The following EGFR variants were observed in gnomAD, a reference collection of about 807,000 sequenced individuals.
The protein encoded by EGFR is epidermal growth factor receptor, also known as avian erythroblastic leukemia viral (v-erb-b) oncogene homolog.
In EGFR, 58 loss-of-function variants were observed where a neutral mutation model predicts 143.0. That is an observed-to-expected ratio of 0.41 (90% CI 0.33 to 0.50). The LOEUF (loss-of-function observed/expected upper bound fraction) is 0.50, where lower values mean the gene tolerates loss of function less well. Ranked by LOEUF, EGFR falls within the 20% of genes least tolerant of loss-of-function variation. EGFR has a pLI of 0.39. For missense variants in EGFR, 1,307 were observed against 1,579.0 expected, an observed-to-expected ratio of 0.83 and a Z score of 2.92; for synonymous variants, 613 against 594.4, an observed-to-expected ratio of 1.03 and a Z score of -0.45.
rs936895027 is a variant in EGFR, at chr7:55,180,654, A to G, written c.2284-639A>G. The G allele has an allele frequency of 5.0e-5, 8 of 159,746 alleles. 1 individual carries two copies. The highest frequency in any genetic ancestry group is 6.6e-3 in the Middle Eastern group (2 of 304). 9.9% of individuals were successfully genotyped at this position (159,746 alleles called of 1,614,324 possible). On this transcript the variant is annotated intron_variant, in intron 19 of 27. Transcript: ENST00000275493. ...AAACCTGGGACTGGTCTATTGAAAG[A>G]GCTTATCCAGCTACTCTTTGCAGAG...
At chr7:55,123,605 G>T (rs1378392799) in intron 1 of EGFR, among the ~76,000 whole-genome samples, 2 of 152,046 alleles carry the variant, frequency 1.3e-5, no homozygotes, top group Non-Finnish European at 2.9e-5. Context: ...CAGCTTGAGG[G>T]TCTCCATCTC....
chr7:55,136,415 C>A (rs7803520), intron 1 of EGFR, among the ~76,000 whole-genome samples: 1 of 152,160 alleles, frequency 6.6e-6, no homozygotes, highest in Non-Finnish European at 1.5e-5. Context: ...CTCAGGCACA[C>A]GGAAACGAGA....
At chr7:55,170,995 A>G (rs1033966093) in intron 15 of EGFR, 180 bp from the exon 16 acceptor site, 4 of 1,463,220 alleles carry the variant, frequency 2.7e-6, no homozygotes, top group Non-Finnish European at 3.6e-6. Context: ...GAGTGAATGA[A>G]CAAATGAATA....
At chr7:55,103,300 A>T (rs1347920201) in intron 1 of EGFR, among the ~76,000 whole-genome samples, 1 of 152,218 alleles carries the variant, frequency 6.6e-6, no homozygotes, top group African/African-American at 2.4e-5. Flanking sequence ...TGTGCTTAAT[A>T]CATGGAAAGG....
Position 55,155,901 on chromosome 7 carries a change from G to A in EGFR, c.961G>A (p.Asp321Asn). The change falls in exon 8 of 28, where the codon GAC (aspartate) becomes AAC (asparagine). Residue 321 changes from aspartate to asparagine, a missense_variant. Physicochemically the swap from Asp to Asn is conservative, Grantham distance 23. Around this residue, in one of 7 missense-constraint regions of EGFR, gnomAD observed 311 missense variants for 412.3 expected, o/e 0.75. Transcript: ENST00000275493. ...GGCCGACAGCTATGAGATGGAGGAA[G>A]ACGGCGTCCGCAAGTGTAAGAAGTG... ...CGADSYEMEE[D>N]GVRKCKKCEG... 6.2e-7 allele frequency: 1 copy of A among 1,614,102 alleles called. No individual in the cohort carries two copies. The highest frequency in any genetic ancestry group is 8.5e-7 in the Non-Finnish European group (1 of 1,180,048).
chr7:55,191,908 C>T lies in EGFR; in HGVS notation c.2625+34C>T. ...GTGGCTTTAGGTCAGCCAGCATTTT[C>T]CTGACACCAGGGACCAGGCTGCCTT... On this transcript the variant is annotated intron_variant, in intron 21 of 27. Transcript: ENST00000275493. 4 of 1,611,582 alleles carry T rather than the reference C, an allele frequency of 2.5e-6. No homozygotes were observed. The African/African-American group carries it at 5.3e-5, about 21-fold the overall frequency.
rs747177924 is a variant in EGFR, at chr7:55,155,955, C to A, written c.1006+9C>A. ...AGGGCCTTGCCGCAAAGGTAGGAAG[C>A]CCGCCGGTGTGCGGACGAGGCTTGT... On this transcript the variant is annotated intron_variant, in intron 8 of 27. Coordinates refer to ENST00000275493, the MANE Select transcript of EGFR (RefSeq NM_005228.5). 1.9e-6 allele frequency: 3 copies of A among 1,606,030 alleles called. No homozygotes were observed. The highest frequency in any genetic ancestry group is 4.5e-5 in the East Asian group (2 of 44,666).
At position 55,080,773 on chromosome 7, in the gene EGFR, A is replaced by C. The variant is rs147081308; in HGVS notation, c.88+61408A>C. ...TGTAGCCATTCCACAATGGATACAT[A>C]TATCAAAACATCATGTTGTATACCA... is the stretch of plus-strand genomic sequence containing the variant. On this transcript the variant is annotated intron_variant, in intron 1 of 27. Transcript: ENST00000275493. Among the ~76,000 whole-genome samples the C allele has an allele frequency of 3.4e-3, 520 of 152,372 alleles. 2 individuals are homozygous for C. Among genetic ancestry groups the C allele is most frequent in the African/African-American group, 0.012 (505 of 41,578 alleles).
chr7:55,033,709 G>A (rs1213448677), intron 1 of EGFR, among the ~76,000 whole-genome samples: 1 of 152,162 alleles, frequency 6.6e-6, no homozygotes, highest in Admixed American at 6.5e-5. Context: ...GTCGCCAAGA[G>A]CCAGACAGGA....
At chr7:55,124,778 A>G (rs1438965869) in intron 1 of EGFR, among the ~76,000 whole-genome samples, 1 of 152,070 alleles carries the variant, frequency 6.6e-6, no homozygotes, top group Non-Finnish European at 1.5e-5. Flanking sequence ...CAGTCTATAA[A>G]CCTGAGCCTC....
chr7:55,066,668 C>G (rs1304484191), intron 1 of EGFR, among the ~76,000 whole-genome samples: 4 of 152,166 alleles, frequency 2.6e-5, no homozygotes, highest in Non-Finnish European at 5.9e-5. Context: ...TTCCACCGTG[C>G]TGGGGTGGGG....
In EGFR at chr7:55,028,620, T is replaced by C. The variant is rs1345408829; in HGVS notation, c.88+9255T>C. ...AAAATTATCTCCTAGTTCATTCTCATACACTGTAAGCCATTGTAAATGCTT... is the reference window on the plus strand; with the variant it reads ...AAAATTATCTCCTAGTTCATTCTCACACACTGTAAGCCATTGTAAATGCTT... On this transcript the variant is annotated intron_variant, in intron 1 of 27. Coordinates refer to ENST00000275493, the MANE Select transcript of EGFR (RefSeq NM_005228.5). Among the ~76,000 whole-genome samples the C allele has an allele frequency of 2.0e-5, 3 of 152,352 alleles. No individual in the cohort carries two copies. In the East Asian group the frequency reaches 5.8e-4, roughly 29 times the overall value.
chr7:55,095,156 T>C (rs906840151), intron 1 of EGFR, among the ~76,000 whole-genome samples: 4 of 152,188 alleles, frequency 2.6e-5, no homozygotes, highest in Non-Finnish European at 5.9e-5. Flanking sequence ...GTGCAAAAGC[T>C]GGAAAAGCTG....
chr7:55,091,993 C>T (rs1791157049), intron 1 of EGFR, among the ~76,000 whole-genome samples: 1 of 141,910 alleles, frequency 7.0e-6, no homozygotes. Flanking sequence ...TAATCTACTC[C>T]TAGCATTTCC....
intron 1 of EGFR, among the ~76,000 whole-genome samples, chr7:55,138,339 C>T (rs1306196768): frequency 6.6e-6 from 1 of 152,154 alleles, no homozygotes; most frequent in African/African-American, 2.4e-5. Context: ...GAACTTGATG[C>T]AAATACTTTT....
intron 14 of EGFR, among the ~76,000 whole-genome samples, chr7:55,164,150 A>G (rs1347177329): frequency 6.6e-6 from 1 of 152,242 alleles, no homozygotes; most frequent in Admixed American, 6.5e-5. Context: ...CTTTCATCAA[A>G]CATCCTCAAA....
chr7:55,169,866 C>A (rs1004467499), intron 15 of EGFR, among the ~76,000 whole-genome samples: 1 of 152,198 alleles, frequency 6.6e-6, no homozygotes, highest in South Asian at 2.1e-4. Context: ...ATTTTCAGAG[C>A]CTGCATAAGA....
chr7:55,131,794 G>A (rs185954857), intron 1 of EGFR, among the ~76,000 whole-genome samples: 15 of 152,242 alleles, frequency 9.9e-5, no homozygotes, highest in Non-Finnish European at 1.5e-4. Context: ...GACCCCTTGC[G>A]CTGTCAGCAT....
intron 22 of EGFR, among the ~76,000 whole-genome samples, chr7:55,194,296 G>T (rs1166735638): frequency 6.7e-6 from 1 of 149,232 alleles, no homozygotes; most frequent in African/African-American, 2.5e-5. Flanking sequence ...GTGCAGTCTC[G>T]GCTCACTGCA....
Sources: allele counts gnomAD v4.1 joint callset (sites outside exome capture counted in the v4.1 genomes callset), GRCh38; gene constraint gnomAD v4.1.1; regional missense constraint gnomAD v4.1.1; transcripts MANE v1.5; gene names NCBI Gene and HGNC (gene_info 2026-07-23, HGNC 2026-07-21).